The following TICRR variants were observed in gnomAD, a reference collection of about 807,000 sequenced individuals.
The protein encoded by TICRR is treslin.
A neutral mutation model predicts 178.1 loss-of-function variants in TICRR; 132 were observed. The observed-to-expected ratio is 0.74, with a 90% CI of 0.64 to 0.86. The LOEUF (loss-of-function observed/expected upper bound fraction) is 0.86, where lower values mean the gene tolerates loss of function less well. TICRR is among the 40% of genes least tolerant of loss of function. TICRR has a pLI of 0.00. For synonymous variants in TICRR, 991 were observed against 900.7 expected (o/e 1.10, Z -1.79); for missense variants, 2,587 against 2,334.3 (o/e 1.11, Z -2.23).
chr15:89,600,816 AG>A, intron 9 of TICRR, 131 bp downstream of exon 9: 1 of 510,252 alleles, frequency 2.0e-6, no homozygotes, highest in East Asian at 3.3e-5. Flanking sequence ...AAGCCAAAGC[AG>A]GAGGATTGCT....
Position 89,624,119 on chromosome 15 carries a change from A to C in TICRR, c.3809A>C (p.His1270Pro). ...TPQNQTHQQPHVLRAARAEEP... is the reference protein window; with the variant it reads ...TPQNQTHQQPPVLRAARAEEP... ...CAGAATCAAACACACCAACAGCCCC[A>C]TGTCCTCAGAGCTGCTCGGGCAGAG... is the stretch of plus-strand genomic sequence containing the variant. The change falls in exon 20 of 22, where the codon CAT becomes CCT. Residue 1270 changes from histidine to proline, a missense_variant. Physicochemically the swap from His to Pro is moderately conservative, Grantham distance 77. Coordinates refer to ENST00000268138, the MANE Select transcript of TICRR (RefSeq NM_152259.4). 1 of 1,613,912 alleles carries C rather than the reference A, an allele frequency of 6.2e-7. No individual in the cohort carries two copies. The highest frequency in any genetic ancestry group is 8.5e-7 in the Non-Finnish European group (1 of 1,180,008).
chr15:89,625,888 C>T (rs767131871), intron 20 of TICRR, 48 bp from the exon 21 acceptor site: 44 of 1,542,460 alleles, frequency 2.9e-5, no homozygotes, highest in African/African-American at 4.1e-5. Context: ...CTGGGCTTCC[C>T]GGTTGGGGGT....
At chr15:89,605,893 C>T (rs1263865407) in intron 13 of TICRR, among the ~76,000 whole-genome samples, 4 of 152,154 alleles carry the variant, frequency 2.6e-5, no homozygotes, top group Non-Finnish European at 4.4e-5. Context: ...GGGGTTTAGA[C>T]TCTTGAATCT....
intron 13 of TICRR, among the ~76,000 whole-genome samples, chr15:89,604,293 T>C (rs1963141937): frequency 1.3e-5 from 2 of 152,260 alleles, no homozygotes; most frequent in South Asian, 4.1e-4. Context: ...CACTTTCTTA[T>C]ACTTTGTGAA....
At chr15:89,619,973 G>T in intron 18 of TICRR, 131 bp downstream of exon 18, 1 of 1,113,658 alleles carries the variant, frequency 9.0e-7, no homozygotes, top group Non-Finnish European at 1.3e-6. Flanking sequence ...GTCTAGTTGA[G>T]GTTCAGGGTG....
Position 89,575,950 on chromosome 15 carries a change from A to G in TICRR, c.364A>G (p.Thr122Ala), listed in dbSNP as rs2141947020. The change falls in exon 1 of 22, where the codon ACG (threonine) becomes GCG (alanine). Residue 122 changes from threonine (T) to alanine (A), a missense_variant. Coordinates refer to ENST00000268138, the MANE Select transcript of TICRR (RefSeq NM_152259.4). Reference protein sequence around the residue: ...QWDRPEITSPTKPILRSSGRR... With the variant: ...QWDRPEITSPAKPILRSSGRR... ...GGACCGGCCCGAGATCACGTCGCCC[A>G]CGAAGCCGATCCTGCGGAGCAGCGG... The G allele has an allele frequency of 6.2e-7, 1 of 1,600,426 alleles. No homozygotes were observed. The highest frequency in any genetic ancestry group is 2.3e-5 in the East Asian group (1 of 44,282).
chr15:89,581,648 G>A (rs1180123943), intron 1 of TICRR, among the ~76,000 whole-genome samples: 1 of 152,226 alleles, frequency 6.6e-6, no homozygotes, highest in Non-Finnish European at 1.5e-5. Context: ...AGGAGTGGGG[G>A]TGGATGAGGG....
intron 21 of TICRR, 23 bp downstream of exon 21, chr15:89,626,084 G>A (rs117117368): frequency 4.3e-5 from 69 of 1,610,084 alleles, no homozygotes; most frequent in Non-Finnish European, 5.8e-5. Context: ...GAAGGTCTAG[G>A]ACCCTTTCCT....
At chr15:89,599,179 C>T in intron 7 of TICRR, 145 bp from the exon 8 acceptor site, 2 of 591,466 alleles carry the variant, frequency 3.4e-6, no homozygotes. Context: ...CACCCCCGCC[C>T]CCACCACCAT....
chr15:89,579,610 T>G (rs997347446), intron 1 of TICRR, among the ~76,000 whole-genome samples: 1 of 152,024 alleles, frequency 6.6e-6, no homozygotes, highest in Admixed American at 6.6e-5. Context: ...CCTCCCAAAG[T>G]GCTGGGATTA....
At chr15:89,619,894 G>A in intron 18 of TICRR, 52 bp downstream of exon 18, 3 of 1,545,840 alleles carry the variant, frequency 1.9e-6, no homozygotes, top group Non-Finnish European at 2.6e-6. Flanking sequence ...TTGGTGAGAA[G>A]TGTTTTTGGG....
chr15:89,625,980 G>A lies in TICRR; in HGVS notation c.5521G>A (p.Ala1841Thr), dbSNP rs113430765. Residue 1841 changes from alanine (A) to threonine (T), a missense_variant, in exon 21 of 22, where the codon GCC becomes ACC. By Grantham distance (58) the Ala-to-Thr change is moderately conservative. Coordinates refer to ENST00000268138, the MANE Select transcript of TICRR (RefSeq NM_152259.4). ...PSCAVRSCLS[A>T]SALQALTQSP... ...CTGTGCCGTGCGGAGCTGCCTCTCT[G>A]CCAGTGCCCTCCAGGCTCTGACCCA... 6.2e-6 allele frequency: 10 copies of A among 1,605,714 alleles called. No homozygotes were observed. Among genetic ancestry groups the A allele is most frequent in the African/African-American group, 4.0e-5 (3 of 74,646 alleles).
At chr15:89,585,625 G>C (rs1223096992) in intron 3 of TICRR, 83 bp from the exon 4 acceptor site, 1 of 932,384 alleles carries the variant, frequency 1.1e-6, no homozygotes, top group African/African-American at 1.6e-5. Flanking sequence ...TGGGAAAATG[G>C]TTATTCTGTC....
rs752956970 is a variant in TICRR, at chr15:89,575,791, G to A, written c.205G>A (p.Gly69Arg). 6.2e-7 allele frequency: 1 copy of A among 1,607,380 alleles called. No homozygotes were observed. Among genetic ancestry groups the A allele is most frequent in the East Asian group, 2.2e-5 (1 of 44,642 alleles). Residue 69 changes from glycine to arginine, a missense_variant, in exon 1 of 22, where the codon GGG becomes AGG. By Grantham distance (125) the Gly-to-Arg change is moderately radical (BLOSUM62 -2). Transcript: ENST00000268138. Reference protein sequence around the residue: ...PSRVSDFRELGSRSWEDFEEE... With the variant: ...PSRVSDFRELRSRSWEDFEEE... ...CCGCGTGTCTGACTTCCGCGAGCTGGGGTCCCGCTCGTGGGAGGACTTTGA... is the reference window on the plus strand; with the variant it reads ...CCGCGTGTCTGACTTCCGCGAGCTGAGGTCCCGCTCGTGGGAGGACTTTGA...
rs368446871 is a variant in TICRR at position 89,619,736 on chromosome 15, C to A, written c.3048C>A (p.Ile1016=). Residue 1016 remains isoleucine (I), a synonymous_variant, in exon 18 of 22, where the codon ATC becomes ATA. Transcript: ENST00000268138. ...DEISLRRSPR[I]KQLSFSRTHS... ...TAAGTCTGAGACGAAGTCCTCGAAT[C>A]AAGCAGTTGTCATTTAGCAGGACAC... is the stretch of plus-strand genomic sequence containing the variant. 3.7e-6 allele frequency: 6 copies of A among 1,612,870 alleles called. No homozygotes were observed. The highest frequency in any genetic ancestry group is 5.1e-6 in the Non-Finnish European group (6 of 1,179,780).
chr15:89,619,610 A>G (rs1263896679), intron 17 of TICRR, 98 bp from the exon 18 acceptor site: 19 of 1,267,868 alleles, frequency 1.5e-5, no homozygotes, highest in Non-Finnish European at 2.0e-5. Context: ...TCCATCTTAT[A>G]TGTGGTACTA....
chr15:89,627,032 C>T lies in TICRR; in HGVS notation c.5679C>T (p.Ile1893=). The T allele has an allele frequency of 1.2e-6, 2 of 1,614,174 alleles. No individual in the cohort carries two copies. The highest frequency in any genetic ancestry group is 8.5e-7 in the Non-Finnish European group (1 of 1,180,022). The part of the protein sequence containing the change: ...FSRAFSRRRP[I]SRTYTRKKLM... ...GCGCTTTCTCCAGGAGGCGCCCCAT[C>T]AGCAGAACTTATACACGGAAGAAGC... Residue 1893 remains isoleucine, a synonymous_variant, in exon 22 of 22, where the codon ATC becomes ATT. Coordinates refer to ENST00000268138, the MANE Select transcript of TICRR (RefSeq NM_152259.4).
At chr15:89,578,932 AGGAGCAG>A (rs1962673711) in intron 1 of TICRR, among the ~76,000 whole-genome samples, 1 of 151,740 alleles carries the variant, frequency 6.6e-6, no homozygotes, top group Admixed American at 6.6e-5. Flanking sequence ...TGCTCTGTCC[AGGAGCAG>A]GGAGAAGGGA....
Position 89,627,169 on chromosome 15 carries a change from C to T in TICRR, c.*83C>T. 6.5e-7 allele frequency: 1 copy of T among 1,547,016 alleles called. No homozygotes were observed. Among genetic ancestry groups the T allele is most frequent in the Non-Finnish European group, 8.8e-7 (1 of 1,130,778 alleles). ...AAGAAGTTGGATGCCTGGTCCCAAG[C>T]CTCTTTTGCCATGGTCAGTGTTCAG... is the stretch of plus-strand genomic sequence containing the variant. On this transcript the variant is annotated 3_prime_UTR_variant, in exon 22 of 22. Coordinates refer to ENST00000268138, the MANE Select transcript of TICRR (RefSeq NM_152259.4).
Sources: allele counts gnomAD v4.1 joint callset (sites outside exome capture counted in the v4.1 genomes callset), GRCh38; gene constraint gnomAD v4.1.1; transcripts MANE v1.5; gene names NCBI Gene and HGNC (gene_info 2026-07-23, HGNC 2026-07-21).